Variants in COL18A1 observed in about 807,000 individuals in gnomAD.
The protein encoded by COL18A1 is collagen alpha-1(XVIII) chain.
COL18A1 carries 133 observed loss-of-function variants against 168.0 expected under a neutral mutation model. The ratio of observed to expected loss-of-function variants is 0.79; its 90% CI spans 0.69 to 0.91. The LOEUF is 0.91. Ranked by LOEUF, COL18A1 falls within the 40% of genes least tolerant of loss-of-function variation. The pLI is 0.00. For synonymous variants in COL18A1, 949 were observed against 809.0 expected (o/e 1.17, Z -2.94); for missense variants, 2,126 against 1,925.4 (o/e 1.10, Z -1.95).
At position 45,437,747 on chromosome 21, in the gene COL18A1, C is replaced by T. The variant is rs1318135885; in HGVS notation, c.107-30495C>T. Among the ~76,000 whole-genome samples the T allele has an allele frequency of 4.0e-5, 3 of 75,300 alleles. 1 individual carries two copies. Among genetic ancestry groups the T allele is most frequent in the Admixed American group, 3.4e-4 (3 of 8,822 alleles). The allele number at this position is 75,300 out of a possible 152,430, so 49.4% of individuals were successfully genotyped here. A position where few individuals can be genotyped will look rare whatever the true frequency, so the allele number is the denominator to read the frequency against. On this transcript the variant is annotated intron_variant, in intron 2 of 41. Coordinates refer to ENST00000651438, the MANE Select transcript of COL18A1 (RefSeq NM_001379500.1). Reference sequence around the variant, plus strand: ...TCTCCTGCACACACACACTCACACACTCAGACACAGGCACTCTCCTGCACA... The same window carrying T: ...TCTCCTGCACACACACACTCACACATTCAGACACAGGCACTCTCCTGCACA...
Position 45,498,275 on chromosome 21 carries a change from C to T in COL18A1, c.2683+614C>T, listed in dbSNP as rs919877768. 5 of 707,062 alleles carry T rather than the reference C, an allele frequency of 7.1e-6. No individual in the cohort carries two copies. The highest frequency in any genetic ancestry group is 2.3e-4 in the Middle Eastern group (1 of 4,358). The allele number at this position is 707,062 out of a possible 1,614,324, so 43.8% of individuals were successfully genotyped here. A position where few individuals can be genotyped will look rare whatever the true frequency, so the allele number is the denominator to read the frequency against. On this transcript the variant is annotated intron_variant, in intron 32 of 41. Transcript: ENST00000651438. The surrounding 1 kb of genome is among the most constrained non-coding windows in gnomAD (Gnocchi z 4.5). Reference sequence around the variant, plus strand: ...GAAGCCCAGAGAGCCAGGCTAGCCTCGGGCGCCTTTCACCACCAGGGTCCC... The same window carrying T: ...GAAGCCCAGAGAGCCAGGCTAGCCTTGGGCGCCTTTCACCACCAGGGTCCC...
At chr21:45,509,155 G>A (rs946895652) in intron 38 of COL18A1, among the ~76,000 whole-genome samples, 6 of 152,046 alleles carry the variant, frequency 3.9e-5, no homozygotes, top group African/African-American at 1.2e-4. Flanking sequence ...GAGGTGACCC[G>A]CGATCCGGCG....
Position 45,484,252 on chromosome 21 carries a change from TATGTGCACACACAC to T in COL18A1, c.1701+1433_1701+1446del, listed in dbSNP as rs1602512351. ...TATGTGCACACACACCTCTCCAGCA[TATGTGCACACACAC>T]ACATAGGCACACACATCTCCAGCAT... On this transcript the variant is annotated intron_variant, in intron 15 of 41. Coordinates refer to ENST00000651438, the MANE Select transcript of COL18A1 (RefSeq NM_001379500.1). Among the ~76,000 whole-genome samples, 6 of 138,068 alleles carry T rather than the reference TATGTGCACACACAC, an allele frequency of 4.3e-5. No homozygotes were observed. In the East Asian group the frequency reaches 9.2e-4, roughly 21 times the overall value. 90.6% of individuals were successfully genotyped at this position (138,068 alleles called of 152,430 possible).
chr21:45,491,656 C>T (rs2036358344), intron 22 of COL18A1, among the ~76,000 whole-genome samples: 1 of 152,206 alleles, frequency 6.6e-6, no homozygotes, highest in Admixed American at 6.5e-5. Flanking sequence ...TCAGAAGAAG[C>T]AGATGCACCC....
intron 40 of COL18A1, 22 bp downstream of exon 40, chr21:45,510,283 G>A (rs2037501276): frequency 1.3e-6 from 2 of 1,583,514 alleles, no homozygotes; most frequent in South Asian, 1.1e-5. Context: ...CAGTCCTGAG[G>A]GCGCGGGCTC....
intron 2 of COL18A1, among the ~76,000 whole-genome samples, chr21:45,452,465 A>G (rs934338680): frequency 6.6e-6 from 1 of 151,814 alleles, no homozygotes; most frequent in South Asian, 2.1e-4. Context: ...ACATGTGAGC[A>G]TATATGTACG....
At chr21:45,428,338 C>G (rs1179618837) in intron 2 of COL18A1, among the ~76,000 whole-genome samples, 1 of 152,186 alleles carries the variant, frequency 6.6e-6, no homozygotes, top group Non-Finnish European at 1.5e-5. Context: ...GGTGACCAGC[C>G]AGGCGTGGCC....
intron 26 of COL18A1, 37 bp from the exon 27 acceptor site, chr21:45,494,508 C>G: frequency 6.2e-7 from 1 of 1,613,236 alleles, no homozygotes; most frequent in Non-Finnish European, 8.5e-7. Flanking sequence ...GGGGCACAAG[C>G]TGCCACCTAA....
chr21:45,456,614 A>G, intron 2 of COL18A1: 2 of 1,539,864 alleles, frequency 1.3e-6, no homozygotes, highest in Admixed American at 2.0e-5. Flanking sequence ...CCACCACGAG[A>G]GCGGCGAGCA....
intron 2 of COL18A1, among the ~76,000 whole-genome samples, chr21:45,453,135 C>T (rs148172855): frequency 6.5e-4 from 93 of 143,904 alleles, no homozygotes; most frequent in Non-Finnish European, 1.1e-3. Flanking sequence ...CTTGTGTATG[C>T]GAGTATTCAC....
chr21:45,418,293 G>T (rs1209894238), intron 2 of COL18A1, among the ~76,000 whole-genome samples: 1 of 152,218 alleles, frequency 6.6e-6, no homozygotes, highest in Non-Finnish European at 1.5e-5. Context: ...GGTAGGGTGG[G>T]CGTGCCCTTC....
Position 45,473,548 on chromosome 21 carries a change from C to T in COL18A1, c.652-347C>T, listed in dbSNP as rs560850010. ...TTGGGGGACTTGACCTGCAGCCCCT[C>T]GAATCTGCCCGCCCTCCCAGGCCTT... On this transcript the variant is annotated intron_variant, in intron 3 of 41. Transcript: ENST00000651438. This position sits in a 1 kb window ranked among gnomAD's most constrained non-coding sequence, Gnocchi z 4.0. Among the ~76,000 whole-genome samples the T allele has an allele frequency of 6.4e-4, 97 of 152,198 alleles. No individual in the cohort carries two copies. Among genetic ancestry groups the T allele is most frequent in the African/African-American group, 2.1e-3 (87 of 41,514 alleles).
rs761372342 is a variant in COL18A1 at position 45,492,689 on chromosome 21, C to T, written c.2190C>T (p.Gly730=). Reference sequence around the variant, plus strand: ...TGACGCCGTCCCTCTTTCCCCAGGGCCGGCCGGGTTTCGCAGGCTTTCCCG... The same window carrying T: ...TGACGCCGTCCCTCTTTCCCCAGGGTCGGCCGGGTTTCGCAGGCTTTCCCG... ...GSVLSVPGPE[G]RPGFAGFPGP... Residue 730 remains glycine, a splice_region_variant and synonymous_variant, in exon 24 of 42, where the codon GGC becomes GGT. Coordinates refer to ENST00000651438, the MANE Select transcript of COL18A1 (RefSeq NM_001379500.1). 2 of 1,610,854 alleles carry T rather than the reference C, an allele frequency of 1.2e-6. No individual in the cohort carries two copies. Among genetic ancestry groups the T allele is most frequent in the South Asian group, 1.1e-5 (1 of 91,052 alleles).
chr21:45,407,599 G>T (rs1003301949), intron 2 of COL18A1: 11 of 152,262 alleles, frequency 7.2e-5, no homozygotes, highest in Admixed American at 7.2e-4. Flanking sequence ...CTTGTAGTCA[G>T]TGCTTCAGAG....
chr21:45,456,216 C>T lies in COL18A1; in HGVS notation c.107-12026C>T, dbSNP rs1319875895. On this transcript the variant is annotated intron_variant, in intron 2 of 41. Coordinates refer to ENST00000651438, the MANE Select transcript of COL18A1 (RefSeq NM_001379500.1). ...TCCTCCTTGCTGGGCGGGGCCCCTC[C>T]CTGGGGAAGCCTGCAGGACCCAGAC... 5 of 1,606,720 alleles carry T rather than the reference C, an allele frequency of 3.1e-6. No individual in the cohort carries two copies. The South Asian group carries it at 3.3e-5, about 11-fold the overall frequency.
At chr21:45,497,456 G>A in intron 31 of COL18A1, 143 bp from the exon 32 acceptor site, 1 of 1,184,978 alleles carries the variant, frequency 8.4e-7, no homozygotes, top group Non-Finnish European at 1.2e-6. Context: ...CTCTCCAGCA[G>A]CTCCTACCCT....
chr21:45,421,564 G>A (rs560357315), intron 2 of COL18A1: 15 of 534,444 alleles, frequency 2.8e-5, no homozygotes, highest in South Asian at 9.8e-5. Context: ...GGAAAACCTC[G>A]GCCTTCCATT....
In COL18A1 at chr21:45,478,282, G is replaced by T. The variant is rs374446209; in HGVS notation, c.1222-45G>T. 62 of 1,613,326 alleles carry T rather than the reference G, an allele frequency of 3.8e-5. 1 individual carries two copies. In the South Asian group the frequency reaches 6.4e-4, roughly 17 times the overall value. ...CCATGTAGACACTGTAGGTGGCGCC[G>T]GAGGAGTCATTTCCCATCACTAATG... On this transcript the variant is annotated intron_variant, in intron 8 of 41. Transcript: ENST00000651438.
Position 45,512,539 on chromosome 21 carries a change from T to C in COL18A1, c.*141T>C, listed in dbSNP as rs2037673003. ...GTATAGTTCACGTTTCATGTAATCC[T>C]CAAGAAATAAAAGGAAGCCAAAGAG... On this transcript the variant is annotated 3_prime_UTR_variant, in exon 42 of 42. Transcript: ENST00000651438. 1.3e-6 allele frequency: 1 copy of C among 757,686 alleles called. No individual in the cohort carries two copies. The highest frequency in any genetic ancestry group is 2.2e-6 in the Non-Finnish European group (1 of 463,066). The allele number at this position is 757,686 out of a possible 1,614,324, so 46.9% of individuals were successfully genotyped here.
Sources: allele counts gnomAD v4.1 joint callset (sites outside exome capture counted in the v4.1 genomes callset), GRCh38; gene constraint gnomAD v4.1.1; non-coding constraint Gnocchi (gnomAD v3.1); transcripts MANE v1.5; gene names NCBI Gene and HGNC (gene_info 2026-07-23, HGNC 2026-07-21).